Variants in PXDN observed in about 807,000 individuals in gnomAD.
PXDN encodes the protein peroxidasin, also known as peroxidasin homolog.
Under a neutral mutation model 140.3 loss-of-function variants are expected in PXDN, and 77 were observed. That is an observed-to-expected ratio of 0.55 (90% CI 0.46 to 0.66). PXDN has a LOEUF of 0.66. Among genes scored for constraint, PXDN ranks in the 30% least tolerant of loss-of-function variants. PXDN has a pLI of 0.00. For synonymous variants in PXDN, 911 were observed against 857.4 expected, an observed-to-expected ratio of 1.06 and a Z score of -1.09; for missense variants, 1,838 against 2,039.5, an observed-to-expected ratio of 0.90 and a Z score of 1.90.
chr2:1,691,874 T>C, intron 3 of PXDN, 54 bp downstream of exon 3: 1 of 1,166,520 alleles, frequency 8.6e-7, no homozygotes, highest in Non-Finnish European at 1.2e-6. Flanking sequence ...GCTCTATTTT[T>C]AAGTAATCTA....
In PXDN at chr2:1,638,846, C is replaced by T. The variant is rs556093713; in HGVS notation, c.4206G>A (p.Gln1402=). 1 of 1,613,968 alleles carries T rather than the reference C, an allele frequency of 6.2e-7. No homozygotes were observed. Among genetic ancestry groups the T allele is most frequent in the African/African-American group, 1.3e-5 (1 of 75,044 alleles). Residue 1402 remains glutamine, a splice_region_variant and synonymous_variant, in exon 21 of 23, where the codon CAG becomes CAA. Coordinates refer to ENST00000252804, the MANE Select transcript of PXDN (RefSeq NM_012293.3). ...MQKTITDLRT[Q]IKKLESRLST... The stretch of plus-strand genomic sequence containing the variant: ...GGACACAGGCCGCCAGGCACCTCAC[C>T]TGTGTTCTGAGGTCTGTGATGGTCT...
chr2:1,647,012 A>G (rs1682863649), intron 17 of PXDN, among the ~76,000 whole-genome samples: 1 of 152,158 alleles, frequency 6.6e-6, no homozygotes, highest in Non-Finnish European at 1.5e-5. Flanking sequence ...TCTCCTGCTC[A>G]GCCTCCCGAG....
At chr2:1,725,012 A>T (rs1685144345) in intron 1 of PXDN, among the ~76,000 whole-genome samples, 1 of 152,232 alleles carries the variant, frequency 6.6e-6, no homozygotes, top group East Asian at 1.9e-4. Context: ...ATAATGCTCC[A>T]TCCATTTGTT....
chr2:1,677,155 G>A, intron 7 of PXDN, 111 bp from the exon 8 acceptor site: 1 of 980,808 alleles, frequency 1.0e-6, no homozygotes, highest in Non-Finnish European at 1.5e-6. Context: ...GATGCCCAAA[G>A]GTGTAATTCA....
Position 1,648,588 on chromosome 2 carries a change from G to C in PXDN, c.3192C>G (p.Ala1064=), listed in dbSNP as rs754453587. The part of the protein sequence containing the change: ...DPGINAGIFN[A]FATAAFRFGH... ...CAAACCTGAAGGCCGCGGTGGCGAA[G>C]GCGTTGAAGATGCCAGCATTGATGC... The change falls in exon 17 of 23, where the codon GCC becomes GCG. Residue 1064 remains alanine, a synonymous_variant. Transcript: ENST00000252804. The surrounding 1 kb of genome is among the most constrained non-coding windows in gnomAD (Gnocchi z 8.9). 6.2e-7 allele frequency: 1 copy of C among 1,612,116 alleles called. No individual in the cohort carries two copies. The highest frequency in any genetic ancestry group is 2.2e-5 in the East Asian group (1 of 44,640).
Position 1,649,774 on chromosome 2 carries a change from A to AC in PXDN, c.2105-100dup. Reference sequence around the variant, plus strand: ...CTCTGCCGCTGACATGGGGCTATCTACCCCCAGCTCATGAAACCTGTTGTG... The same window carrying AC: ...CTCTGCCGCTGACATGGGGCTATCTACCCCCCAGCTCATGAAACCTGTTGTG... On this transcript the variant is annotated intron_variant, in intron 16 of 22. Transcript: ENST00000252804. This position sits in a 1 kb window ranked among gnomAD's most constrained non-coding sequence, Gnocchi z 7.1. 1.5e-6 allele frequency: 2 copies of AC among 1,353,854 alleles called. No homozygotes were observed. Among genetic ancestry groups the AC allele is most frequent in the Non-Finnish European group, 1.0e-6 (1 of 960,884 alleles). 83.9% of individuals were successfully genotyped at this position (1,353,854 alleles called of 1,614,324 possible).
intron 11 of PXDN, 49 bp from the exon 12 acceptor site, chr2:1,663,812 C>T (rs1232246144): frequency 1.9e-6 from 3 of 1,587,776 alleles, no homozygotes; most frequent in South Asian, 2.2e-5. Flanking sequence ...GCATGGAGAA[C>T]TCCTGCTCTC....
chr2:1,660,841 T>A lies in PXDN; in HGVS notation c.1837+40A>T. 21 of 1,582,662 alleles carry A rather than the reference T, an allele frequency of 1.3e-5. No homozygotes were observed. Among genetic ancestry groups the A allele is most frequent in the Non-Finnish European group, 1.7e-5 (20 of 1,161,110 alleles). ...ACTAGGGACCTGCGGGCTTTCTTTG[T>A]GGATACCATGTGGGTAGATGTGGGC... is the stretch of plus-strand genomic sequence containing the variant. On this transcript the variant is annotated intron_variant, in intron 14 of 22. Coordinates refer to ENST00000252804, the MANE Select transcript of PXDN (RefSeq NM_012293.3). This position sits in a 1 kb window ranked among gnomAD's most constrained non-coding sequence, Gnocchi z 4.6.
chr2:1,733,943 A>G (rs994581991), intron 1 of PXDN, among the ~76,000 whole-genome samples: 1 of 152,214 alleles, frequency 6.6e-6, no homozygotes, highest in Non-Finnish European at 1.5e-5. Flanking sequence ...GGACTGAAAT[A>G]TGAACCTACG....
chr2:1,677,638 G>A (rs1002930903), intron 7 of PXDN, among the ~76,000 whole-genome samples: 9 of 151,238 alleles, frequency 6.0e-5, no homozygotes, highest in African/African-American at 2.2e-4. Flanking sequence ...AGGGCTGACG[G>A]CTCCCAGGCC....
intron 1 of PXDN, among the ~76,000 whole-genome samples, chr2:1,711,430 A>C (rs1684774332): frequency 9.4e-6 from 1 of 106,396 alleles, no homozygotes. Flanking sequence ...CCCACTCTCC[A>C]CTAGCACCCA....
intron 21 of PXDN, chr2:1,635,816 T>C (rs1483428590): frequency 2.4e-6 from 1 of 409,296 alleles, no homozygotes; most frequent in Non-Finnish European, 4.6e-6. Flanking sequence ...GACGAGAACG[T>C]CCTGCACCTA....
chr2:1,719,181 C>T (rs1209167136), intron 1 of PXDN, among the ~76,000 whole-genome samples: 1 of 152,174 alleles, frequency 6.6e-6, no homozygotes, highest in African/African-American at 2.4e-5. Flanking sequence ...TGCTCCACAC[C>T]TTCTCACACC....
At position 1,722,377 on chromosome 2, in the gene PXDN, T is replaced by C. The variant is rs373469550; in HGVS notation, c.200+21879A>G. Among the ~76,000 whole-genome samples, 665 of 152,258 alleles carry C rather than the reference T, an allele frequency of 4.4e-3. 6 individuals carry two copies. The highest frequency in any genetic ancestry group is 7.6e-3 in the Admixed American group (116 of 15,302). On this transcript the variant is annotated intron_variant, in intron 1 of 22. Transcript: ENST00000252804. ...TGGTGGCTTGGCAGTCCCTCTCCCA[T>C]GAGAAATTGAGAACAGGAGAATCTC...
rs759721061 is a variant in PXDN, at chr2:1,643,431, C to T, written c.3889G>A (p.Gly1297Ser). 8.7e-6 allele frequency: 14 copies of T among 1,613,802 alleles called. No homozygotes were observed. The highest frequency in any genetic ancestry group is 2.7e-5 in the African/African-American group (2 of 74,900). Residue 1297 changes from glycine to serine, a missense_variant, in exon 19 of 23, where the codon GGC (glycine) becomes AGC (serine). By Grantham distance (56) the Gly-to-Ser change is moderately conservative. Transcript: ENST00000252804. ...GGGATCTCGTCACAGCTGCCGTAGC[C>T]GTGAGGGAACTCCGCCACCCTGAAC... is the stretch of plus-strand genomic sequence containing the variant. ...DVFRVAEFPHGYGSCDEIPRV... is the reference protein window; with the variant it reads ...DVFRVAEFPHSYGSCDEIPRV...
intron 3 of PXDN, among the ~76,000 whole-genome samples, chr2:1,691,601 C>T (rs112224827): frequency 1.3e-4 from 20 of 152,240 alleles, no homozygotes; most frequent in Non-Finnish European, 2.2e-4. Flanking sequence ...CTGTTCATAT[C>T]GGCAACTCAC....
intron 4 of PXDN, among the ~76,000 whole-genome samples, chr2:1,686,216 C>T (rs367573224): frequency 1.4e-4 from 21 of 152,196 alleles, no homozygotes; most frequent in African/African-American, 3.9e-4. Context: ...GCTCCCTGCC[C>T]GAGGGCGGGG....
chr2:1,667,837 T>C (rs527717578), intron 9 of PXDN, among the ~76,000 whole-genome samples: 3 of 152,238 alleles, frequency 2.0e-5, no homozygotes, highest in African/African-American at 7.2e-5. Context: ...TCCGTGCTCA[T>C]GGACAGGAAG....
intron 1 of PXDN, among the ~76,000 whole-genome samples, chr2:1,709,428 A>G (rs1282582883): frequency 6.6e-6 from 1 of 152,098 alleles, no homozygotes; most frequent in African/African-American, 2.4e-5. Flanking sequence ...GGGTGAGGAA[A>G]GGACCTCTAA....
Sources: gnomAD v4.1 joint callset for allele counts (sites outside exome capture counted in the v4.1 genomes callset) on GRCh38, gnomAD v4.1.1 for gene constraint, Gnocchi (gnomAD v3.1) non-coding constraint, MANE v1.5 for transcripts, NCBI Gene and HGNC (gene_info 2026-07-23, HGNC 2026-07-21) for gene names.